DUOX2: variants seen among roughly 807,000 people sequenced by gnomAD.
The protein encoded by DUOX2 is dual oxidase 2, also known as NADH/NADPH thyroid oxidase p138-tox.
A neutral mutation model predicts 183.3 loss-of-function variants in DUOX2; 185 were observed. The ratio of observed to expected loss-of-function variants is 1.01; its 90% confidence interval spans 0.90 to 1.14. The LOEUF (loss-of-function observed/expected upper bound fraction) is 1.14. DUOX2 is among the 50% of genes most tolerant of loss of function. The pLI is 0.00. For synonymous variants in DUOX2, 788 were observed against 812.4 expected (o/e 0.97, Z 0.51); for missense variants, 1,999 against 2,022.9 (o/e 0.99, Z 0.23).
rs1894155469 is a variant in DUOX2, at chr15:45,104,247, T to C, written c.2453A>G (p.Lys818Arg). 6.2e-7 allele frequency: 1 copy of C among 1,614,010 alleles called. No homozygotes were observed. Among genetic ancestry groups the C allele is most frequent in the South Asian group, 1.1e-5 (1 of 91,072 alleles). ...GGACTCCACAAACATGTCCTGGGGC[T>C]TGAGGCCCAGGGACTCGGCAAACTC... ...RAEFAESLGL[K>R]PQDMFVESMF... Residue 818 changes from lysine (K) to arginine (R), a missense_variant, in exon 19 of 34, where the codon AAG becomes AGG. Coordinates refer to ENST00000389039, the MANE Select transcript of DUOX2 (RefSeq NM_001363711.2).
intron 21 of DUOX2, chr15:45,101,535 C>A: frequency 1.6e-6 from 1 of 627,142 alleles, no homozygotes; most frequent in Non-Finnish European, 2.8e-6. Context: ...TTCCTCTGGC[C>A]AGATACATCT....
intron 1 of DUOX2, among the ~76,000 whole-genome samples, chr15:45,113,655 C>T (rs1384303983): frequency 1.3e-5 from 2 of 152,154 alleles, no homozygotes; most frequent in Non-Finnish European, 2.9e-5. Context: ...TCCGCCACCC[C>T]ATCAGAGAGT....
intron 20 of DUOX2, 126 bp from the exon 21 acceptor site, chr15:45,102,115 G>C: frequency 8.0e-7 from 1 of 1,242,604 alleles, no homozygotes; most frequent in South Asian, 1.3e-5. Flanking sequence ...GCACTGAGAA[G>C]GTGCTCATCC....
At chr15:45,098,106 C>A in intron 26 of DUOX2, 48 bp from the exon 27 acceptor site, 1 of 1,557,998 alleles carries the variant, frequency 6.4e-7, no homozygotes, top group Non-Finnish European at 8.9e-7. Flanking sequence ...AGGAGGGGCT[C>A]CAGCACTGTC....
chr15:45,107,850 C>CAAAAAAAAAAAAAA (rs36025213), intron 13 of DUOX2, among the ~76,000 whole-genome samples, 197 bp downstream of exon 13: 1 of 48,832 alleles, frequency 2.0e-5, no homozygotes, highest in Non-Finnish European at 3.6e-5. Flanking sequence ...GACTCTGCCT[C>CAAAAAAAAAAAAAA]AAAAAAAAAA....
At chr15:45,106,402 G>A in intron 16 of DUOX2, 75 bp from the exon 17 acceptor site, 1 of 1,597,614 alleles carries the variant, frequency 6.3e-7, no homozygotes, top group Non-Finnish European at 8.6e-7. Context: ...ATTCCTCTGT[G>A]AGTCTGAGCA....
At chr15:45,108,291 C>A in intron 12 of DUOX2, 69 bp from the exon 13 acceptor site, 1 of 1,575,072 alleles carries the variant, frequency 6.3e-7, no homozygotes, top group Non-Finnish European at 8.7e-7. Context: ...TTGCCCCATC[C>A]CTCGGGCACA....
intron 31 of DUOX2, 60 bp downstream of exon 31, chr15:45,095,377 G>A (rs1260058021): frequency 6.2e-7 from 1 of 1,605,942 alleles, no homozygotes; most frequent in African/African-American, 1.3e-5. Flanking sequence ...TCCACCACTT[G>A]ATGCGGGTCA....
At chr15:45,107,597 A>G (rs1032466037) in intron 13 of DUOX2, 134 bp from the exon 14 acceptor site, 36 of 965,478 alleles carry the variant, frequency 3.7e-5, no homozygotes, top group Non-Finnish European at 5.0e-5. Flanking sequence ...TAATCCCAAC[A>G]CTTTGGGAGG....
chr15:45,103,872 C>T, intron 20 of DUOX2, 88 bp downstream of exon 20: 1 of 1,383,624 alleles, frequency 7.2e-7, no homozygotes, highest in Non-Finnish European at 1.0e-6. Context: ...GACCACAGAG[C>T]CTCTTTGCCA....
intron 32 of DUOX2, 119 bp from the exon 33 acceptor site, chr15:45,094,810 A>C: frequency 6.3e-7 from 1 of 1,593,494 alleles, no homozygotes; most frequent in Non-Finnish European, 8.6e-7. Flanking sequence ...GCTGAGGATC[A>C]GGCCATCAGC....
Position 45,112,630 on chromosome 15 carries a change from C to G in DUOX2, c.249G>C (p.Arg83=), listed in dbSNP as rs1894468613. 1 of 1,612,852 alleles carries G rather than the reference C, an allele frequency of 6.2e-7. No individual in the cohort carries two copies. Residue 83 remains arginine, a synonymous_variant, in exon 4 of 34, where the codon CGG becomes CGC. Coordinates refer to ENST00000389039, the MANE Select transcript of DUOX2 (RefSeq NM_001363711.2). ...TGCCCCGCGTGGCTGCGTTGCTGAG[C>G]CGGCGCGGGTTGGGCAGCTGCGGCT... is the stretch of plus-strand genomic sequence containing the variant. ...LEEPQLPNPR[R]LSNAATRGIA...
rs780218702 is a variant in DUOX2 at position 45,095,608 on chromosome 15, G to C, written c.4081-13C>G. On this transcript the variant is annotated splice_polypyrimidine_tract_variant and intron_variant, in intron 30 of 33. Transcript: ENST00000389039. ...CATCAAGGTACAGCTGCCAAGAGAG[G>C]GGGGAGATGAAATGAGCCTGACCCT... The C allele has an allele frequency of 3.3e-5, 54 of 1,614,076 alleles. No homozygotes were observed. Among genetic ancestry groups the C allele is most frequent in the Middle Eastern group, 1.6e-4 (1 of 6,084 alleles).
At chr15:45,107,267 C>T in intron 14 of DUOX2, 78 bp downstream of exon 14, 1 of 1,565,100 alleles carries the variant, frequency 6.4e-7, no homozygotes, top group Non-Finnish European at 8.8e-7. Context: ...TGGACAGCAC[C>T]AAGTGATTCC....
At position 45,101,864 on chromosome 15, in the gene DUOX2, A is replaced by T; in HGVS notation, c.2780T>A (p.Met927Lys). 6.2e-7 allele frequency: 1 copy of T among 1,614,212 alleles called. No individual in the cohort carries two copies. The highest frequency in any genetic ancestry group is 8.5e-7 in the Non-Finnish European group (1 of 1,180,042). ...GAGCTCGCTGTCATGGTCCCGCAGCATGAAGTGAAAATCCTCCCATGTCAG... is the reference window on the plus strand; with the variant it reads ...GAGCTCGCTGTCATGGTCCCGCAGCTTGAAGTGAAAATCCTCCCATGTCAG... ...EELTWEDFHFMLRDHDSELRF... is the reference protein window; with the variant it reads ...EELTWEDFHFKLRDHDSELRF... The change falls in exon 21 of 34, where the codon ATG becomes AAG. Residue 927 changes from methionine (M) to lysine (K), a missense_variant. Around this residue, in one of 3 missense-constraint regions of DUOX2, gnomAD observed 1,628 missense variants for 1,608.6 expected, o/e 1.01. Coordinates refer to ENST00000389039, the MANE Select transcript of DUOX2 (RefSeq NM_001363711.2).
chr15:45,095,946 G>A lies in DUOX2; in HGVS notation c.3962C>T (p.Thr1321Ile). The A allele has an allele frequency of 1.2e-6, 2 of 1,614,098 alleles. No individual in the cohort carries two copies. Among genetic ancestry groups the A allele is most frequent in the African/African-American group, 2.7e-5 (2 of 75,004 alleles). ...GTTEYHPFTL[T>I]SAPHEDTLSL... ...GAGTGTGTCCTCATGGGGCGCGGAG[G>A]TCAGTGTGAAGGGGTGGTACTCGGT... Residue 1321 changes from threonine (T) to isoleucine (I), a missense_variant, in exon 30 of 34, where the codon ACC becomes ATC. Physicochemically the swap from Thr to Ile is moderately conservative, Grantham distance 89. This residue lies in a region of DUOX2 where 1,628 missense variants were observed against 1,608.6 expected (regional missense o/e 1.01). Coordinates refer to ENST00000389039, the MANE Select transcript of DUOX2 (RefSeq NM_001363711.2).
Position 45,093,533 on chromosome 15 carries a change from G to A in DUOX2, c.*617C>T, listed in dbSNP as rs1186342823. 6.5e-6 allele frequency: 1 copy of A among 154,638 alleles called. No homozygotes were observed. Among genetic ancestry groups the A allele is most frequent in the Admixed American group, 6.3e-5 (1 of 15,768 alleles). The allele number at this position is 154,638 out of a possible 1,614,324, so 9.6% of individuals were successfully genotyped here. Reference sequence around the variant, plus strand: ...GCTCCTTTTGGAGCTGGAGGGAATAGACCTGGAGACAGAGTTGAGGCAGTC... The same window carrying A: ...GCTCCTTTTGGAGCTGGAGGGAATAAACCTGGAGACAGAGTTGAGGCAGTC... On this transcript the variant is annotated 3_prime_UTR_variant, in exon 34 of 34. Transcript: ENST00000389039.
At chr15:45,108,545 C>T in intron 12 of DUOX2, 1 of 623,924 alleles carries the variant, frequency 1.6e-6, no homozygotes, top group Non-Finnish European at 2.8e-6. Flanking sequence ...GGCACCCAAC[C>T]CAGAAGCCAC....
intron 12 of DUOX2, 74 bp downstream of exon 12, chr15:45,108,715 C>T: frequency 6.8e-7 from 1 of 1,477,718 alleles, no homozygotes; most frequent in Non-Finnish European, 9.5e-7. Flanking sequence ...AATGAGTCAA[C>T]ATATGTAAAG....
Sources: allele counts gnomAD v4.1 joint callset (sites outside exome capture counted in the v4.1 genomes callset), GRCh38; gene constraint gnomAD v4.1.1; regional missense constraint gnomAD v4.1.1; transcripts MANE v1.5; gene names NCBI Gene and HGNC (gene_info 2026-07-23, HGNC 2026-07-21).